LRIG1: variants seen among roughly 807,000 people sequenced by gnomAD.
The protein encoded by LRIG1 is leucine rich repeats and immunoglobulin like domains 1.
In LRIG1, 48 loss-of-function variants were observed where a neutral mutation model predicts 99.2. The ratio of observed to expected loss-of-function variants is 0.48; its 90% CI spans 0.38 to 0.62. The LOEUF (loss-of-function observed/expected upper bound fraction) is 0.62. LRIG1 is among the 20% of genes least tolerant of loss of function. The probability of loss-of-function intolerance (pLI) is 0.00; values close to 1 mark genes in which losing one functional copy is unlikely to be tolerated. For missense variants in LRIG1, 1,646 were observed against 1,434.4 expected (o/e 1.15, Z -2.38); for synonymous variants, 772 against 596.1 (o/e 1.29, Z -4.30).
At chr3:66,467,358 T>C in intron 1 of LRIG1, among the ~76,000 whole-genome samples, 1 of 10,184 alleles carries the variant, frequency 9.8e-5, no homozygotes, top group South Asian at 3.9e-3. Flanking sequence ...ACACTAGCTA[T>C]TTTTTTTTTT....
At position 66,417,135 on chromosome 3, in the gene LRIG1, T is replaced by C. The variant is rs1268795564; in HGVS notation, c.497A>G (p.Lys166Arg). Residue 166 changes from lysine to arginine, a missense_variant, in exon 4 of 19, where the codon AAG (lysine) becomes AGG (arginine). By Grantham distance (26) the Lys-to-Arg change is conservative (BLOSUM62 2). Coordinates refer to ENST00000273261, the MANE Select transcript of LRIG1 (RefSeq NM_015541.3). Reference protein sequence around the residue: ...NTCFPHGPPIKELNLAGNRIG... With the variant: ...NTCFPHGPPIRELNLAGNRIG... ...GCAGAACAGAGGCACTTACAGCTCC[T>C]TTATAGGCGGTCCGTGTGGAAAGCA... The C allele has an allele frequency of 6.2e-7, 1 of 1,614,000 alleles. No homozygotes were observed. Among genetic ancestry groups the C allele is most frequent in the Non-Finnish European group, 8.5e-7 (1 of 1,179,996 alleles).
rs775840396 is a variant in LRIG1, at chr3:66,500,266, C to A, written c.142G>T (p.Ala48Ser). The A allele has an allele frequency of 1.1e-5, 17 of 1,499,666 alleles. No individual in the cohort carries two copies. In the East Asian group the frequency reaches 4.1e-4, roughly 36 times the overall value. The allele number at this position is 1,499,666 out of a possible 1,614,324, so 92.9% of individuals were successfully genotyped here. ...RAPCAAACTC[A>S]GDSLDCGGRG... ...CCACCGCAGTCCAGCGAGTCCCCAG[C>A]GCAAGTGCAGGCGGCCGCGCAGGGC... is the stretch of plus-strand genomic sequence containing the variant. The change falls in exon 1 of 19, where the codon GCT becomes TCT. Residue 48 changes from alanine (A) to serine (S), a missense_variant. Coordinates refer to ENST00000273261, the MANE Select transcript of LRIG1 (RefSeq NM_015541.3).
intron 13 of LRIG1, among the ~76,000 whole-genome samples, chr3:66,385,701 C>T (rs780628834): frequency 4.6e-5 from 7 of 152,220 alleles, no homozygotes; most frequent in Non-Finnish European, 7.3e-5. Flanking sequence ...GATCTGCCCA[C>T]CTCAGTCTCC....
rs9831355 is a variant in LRIG1, at chr3:66,500,652, G to T, written c.-245C>A. The stretch of plus-strand genomic sequence containing the variant: ...CCCATCCGGGCCGGCCGGCCCGCCC[G>T]CGCTAGCTGCGAACTCCGCCGATTC... On this transcript the variant is annotated 5_prime_UTR_variant, in exon 1 of 19. Coordinates refer to ENST00000273261, the MANE Select transcript of LRIG1 (RefSeq NM_015541.3). 262,775 of 288,608 alleles carry T rather than the reference G, an allele frequency of 0.91. 123,018 individuals are homozygous for T. The highest frequency in any genetic ancestry group is 0.99 in the Non-Finnish European group (155,544 of 156,532). The allele number at this position is 288,608 out of a possible 1,614,324, so 17.9% of individuals were successfully genotyped here.
chr3:66,380,317 T>C lies in LRIG1; in HGVS notation c.3228A>G (p.Thr1076=), dbSNP rs748016635. ...CCCTCTGTTTCCCGGGGAGCTGTCC[T>C]GTCAGTGGCGTGGACTCGGGACTGG... ...CDASPESTPL[T]GQLPGKQRVP... The change falls in exon 19 of 19, where the codon ACA becomes ACG. Residue 1076 remains threonine, a synonymous_variant. Coordinates refer to ENST00000273261, the MANE Select transcript of LRIG1 (RefSeq NM_015541.3). The C allele has an allele frequency of 1.4e-5, 22 of 1,614,092 alleles. No individual in the cohort carries two copies. Among genetic ancestry groups the C allele is most frequent in the African/African-American group, 2.7e-5 (2 of 74,934 alleles).
chr3:66,470,454 T>C (rs1700571225), intron 1 of LRIG1, among the ~76,000 whole-genome samples: 1 of 151,968 alleles, frequency 6.6e-6, no homozygotes, highest in African/African-American at 2.4e-5. Context: ...ATGGAGGGCA[T>C]GGAGTAAAAT....
intron 1 of LRIG1, among the ~76,000 whole-genome samples, chr3:66,489,513 C>T (rs1273144994): frequency 9.9e-6 from 1 of 100,824 alleles, no homozygotes; most frequent in Non-Finnish European, 2.1e-5. Flanking sequence ...CAGAGTGGGA[C>T]CCTTTGTGTG....
At chr3:66,491,625 C>T (rs1185015413) in intron 1 of LRIG1, among the ~76,000 whole-genome samples, 1 of 152,034 alleles carries the variant, frequency 6.6e-6, no homozygotes, top group African/African-American at 2.4e-5. Flanking sequence ...CTTAAAACCA[C>T]CCTACAGTAA....
At chr3:66,384,319 C>G in intron 13 of LRIG1, 47 bp from the exon 14 acceptor site, 2 of 1,572,312 alleles carry the variant, frequency 1.3e-6, no homozygotes. Context: ...CAGCTAGATG[C>G]AAAACCAGGA....
At chr3:66,459,746 A>G (rs569323268) in intron 2 of LRIG1, among the ~76,000 whole-genome samples, 1 of 152,316 alleles carries the variant, frequency 6.6e-6, no homozygotes, top group Admixed American at 6.5e-5. Context: ...GGGGCACAAA[A>G]TTTAAGGGAC....
Position 66,500,674 on chromosome 3 carries a change from A to C in LRIG1, c.-267T>G, listed in dbSNP as rs964535922. ...CCCGCGCTAGCTGCGAACTCCGCCG[A>C]TTCGGGCAAGGTGTACCCAGCCTGC... On this transcript the variant is annotated 5_prime_UTR_variant, in exon 1 of 19. Transcript: ENST00000273261. The C allele has an allele frequency of 3.7e-6, 1 of 267,436 alleles. No individual in the cohort carries two copies. Among genetic ancestry groups the C allele is most frequent in the Non-Finnish European group, 7.0e-6 (1 of 143,014 alleles). The allele number at this position is 267,436 out of a possible 1,614,324, so 16.6% of individuals were successfully genotyped here.
chr3:66,426,014 G>C (rs920452559), intron 3 of LRIG1, among the ~76,000 whole-genome samples: 3 of 152,128 alleles, frequency 2.0e-5, no homozygotes, highest in African/African-American at 7.2e-5. Context: ...GTGAAAGCCT[G>C]GTTTACAAGG....
chr3:66,484,055 T>G (rs1011701037), intron 1 of LRIG1, among the ~76,000 whole-genome samples: 1 of 152,246 alleles, frequency 6.6e-6, no homozygotes, highest in Admixed American at 6.5e-5. Flanking sequence ...CTTTTCAACT[T>G]CGGTTCTATT....
rs148872922 is a variant in LRIG1 at position 66,380,650 on chromosome 3, C to G, written c.2982G>C (p.Ser994=). 857 of 1,614,070 alleles carry G rather than the reference C, an allele frequency of 5.3e-4. 2 individuals carry two copies. Among genetic ancestry groups the G allele is most frequent in the Non-Finnish European group, 6.6e-4 (780 of 1,180,040 alleles). Residue 994 remains serine (S), a synonymous_variant, in exon 18 of 19, where the codon TCG becomes TCC. Coordinates refer to ENST00000273261, the MANE Select transcript of LRIG1 (RefSeq NM_015541.3). The part of the protein sequence containing the change: ...AAGSCPECQG[S]LYPSNHDRML... ...TTCTATCGTGGTTACTGGGGTAGAG[C>G]GACCCTTGGCACTCGGGGCAGGACC...
At chr3:66,383,443 C>T (rs1415480307) in intron 14 of LRIG1, 42 bp from the exon 15 acceptor site, 1 of 1,494,374 alleles carries the variant, frequency 6.7e-7, no homozygotes. Context: ...CTCAGGGCCT[C>T]CGTTGCTCTG....
chr3:66,488,351 G>A (rs537633021), intron 1 of LRIG1, among the ~76,000 whole-genome samples: 295 of 152,048 alleles, frequency 1.9e-3, no homozygotes, highest in Non-Finnish European at 1.6e-3. Context: ...AGCCGGGCGT[G>A]GTGGCTCACA....
chr3:66,457,808 T>C (rs577872210), intron 2 of LRIG1, among the ~76,000 whole-genome samples: 22 of 152,308 alleles, frequency 1.4e-4, no homozygotes, highest in African/African-American at 4.1e-4. Flanking sequence ...GACCTCTGTC[T>C]TAACATCCCC....
Position 66,398,122 on chromosome 3 carries a change from GATTCTTC to G in LRIG1, c.1287_1293del (p.Met429IlefsTer18), listed in dbSNP as rs1359021820. 1.2e-6 allele frequency: 2 copies of G among 1,613,500 alleles called. No homozygotes were observed. The highest frequency in any genetic ancestry group is 1.7e-6 in the Non-Finnish European group (2 of 1,179,438). ...AATCCAGATACTTACAGCTCTTTAA[GATTCTTC>G]ATCTTCACAAAGGCATCAAACTGGA... On this transcript the variant is annotated frameshift_variant, in exon 11 of 19. Coordinates refer to ENST00000273261, the MANE Select transcript of LRIG1 (RefSeq NM_015541.3). LOFTEE classifies it high-confidence loss of function.
At position 66,386,067 on chromosome 3, in the gene LRIG1, G is replaced by A; in HGVS notation, c.1703C>T (p.Thr568Ile). Reference sequence around the variant, plus strand: ...TTGGTAGCGGCCCTCGTGCCCGAAAGTGACCTGACGGAGGTGCAGGATGGT... The same window carrying A: ...TTGGTAGCGGCCCTCGTGCCCGAAAATGACCTGACGGAGGTGCAGGATGGT... ...YTTILHLRQV[T>I]FGHEGRYQCV... The change falls in exon 13 of 19, where the codon ACT becomes ATT. Residue 568 changes from threonine (T) to isoleucine (I), a missense_variant. Coordinates refer to ENST00000273261, the MANE Select transcript of LRIG1 (RefSeq NM_015541.3). 6.2e-7 allele frequency: 1 copy of A among 1,614,236 alleles called. No homozygotes were observed. The highest frequency in any genetic ancestry group is 8.5e-7 in the Non-Finnish European group (1 of 1,180,056).
Sources: gnomAD v4.1 joint callset for allele counts (sites outside exome capture counted in the v4.1 genomes callset) on GRCh38, gnomAD v4.1.1 for gene constraint, MANE v1.5 for transcripts, NCBI Gene and HGNC (gene_info 2026-07-23, HGNC 2026-07-21) for gene names.